The following PTPRN2 variants were observed in gnomAD, a reference collection of about 807,000 sequenced individuals.
PTPRN2 encodes the protein receptor-type tyrosine-protein phosphatase N2.
PTPRN2 carries 74 observed loss-of-function variants against 118.8 expected under a neutral mutation model. The ratio of observed to expected loss-of-function variants is 0.62; its 90% CI spans 0.52 to 0.76. The LOEUF is 0.76. Among genes scored for constraint, PTPRN2 ranks in the 30% least tolerant of loss-of-function variants. The pLI, the probability that PTPRN2 is intolerant of heterozygous loss-of-function variation, is 0.00. For missense variants in PTPRN2, 1,481 were observed against 1,394.4 expected (o/e 1.06, Z -0.99); for synonymous variants, 641 against 608.0 (o/e 1.05, Z -0.80).
intron 14 of PTPRN2, among the ~76,000 whole-genome samples, chr7:157,646,635 C>T (rs1399758100): frequency 6.6e-6 from 1 of 152,170 alleles, no homozygotes; most frequent in South Asian, 2.1e-4. Context: ...ACAGGGGAGG[C>T]TGGGTCCCAC....
In PTPRN2 at chr7:157,643,675, T is replaced by C. The variant is rs573695201; in HGVS notation, c.2196+12682A>G. On this transcript the variant is annotated intron_variant, in intron 14 of 22. Coordinates refer to ENST00000389418, the MANE Select transcript of PTPRN2 (RefSeq NM_002847.5). ...CAGCCGCTGCTGCCTCCAGCCTCTG[T>C]CTGCGCCCTTCCCAAGGACCCCCTG... Among the ~76,000 whole-genome samples, 7 of 152,332 alleles carry C rather than the reference T, an allele frequency of 4.6e-5. No homozygotes were observed. The South Asian group carries it at 1.5e-3, about 32-fold the overall frequency.
chr7:158,532,851 C>G (rs769625770), intron 1 of PTPRN2: 3 of 530,612 alleles, frequency 5.7e-6, no homozygotes, highest in Non-Finnish European at 1.2e-5. Context: ...GAATGTGGCC[C>G]GTGCTGCACT....
intron 11 of PTPRN2, among the ~76,000 whole-genome samples, chr7:158,074,804 G>A (rs1812219606): frequency 6.6e-6 from 1 of 152,204 alleles, no homozygotes; most frequent in Admixed American, 6.5e-5. Flanking sequence ...TCTGCCAGCA[G>A]GATCAGCATT....
At chr7:158,161,723 T>C (rs1822374547) in intron 6 of PTPRN2, among the ~76,000 whole-genome samples, 1 of 152,092 alleles carries the variant, frequency 6.6e-6, no homozygotes, top group African/African-American at 2.4e-5. Flanking sequence ...AATAAAATAA[T>C]TGGTAAGCTG....
At chr7:158,412,182 G>A (rs1340024883) in intron 2 of PTPRN2, among the ~76,000 whole-genome samples, 1 of 125,806 alleles carries the variant, frequency 7.9e-6, no homozygotes, top group Non-Finnish European at 1.7e-5. Flanking sequence ...CAACACCAGG[G>A]CCCATCTCAG....
At chr7:157,692,040 G>T (rs1457681378) in intron 12 of PTPRN2, among the ~76,000 whole-genome samples, 1 of 152,226 alleles carries the variant, frequency 6.6e-6, no homozygotes, top group African/African-American at 2.4e-5. Context: ...GGAACAAGGA[G>T]AAGAAAGGAA....
At chr7:158,558,174 C>T (rs984351276) in intron 1 of PTPRN2, among the ~76,000 whole-genome samples, 20 of 152,054 alleles carry the variant, frequency 1.3e-4, no homozygotes, top group African/African-American at 3.6e-4. Flanking sequence ...TCTGGAGAGA[C>T]GGGGTCTTGC....
chr7:158,394,586 A>G (rs899519066), intron 2 of PTPRN2, among the ~76,000 whole-genome samples: 1 of 152,180 alleles, frequency 6.6e-6, no homozygotes, highest in African/African-American at 2.4e-5. Flanking sequence ...GTCTCTAAGT[A>G]CTGGCTGCTC....
intron 12 of PTPRN2, among the ~76,000 whole-genome samples, chr7:157,800,544 G>A (rs559709207): frequency 6.6e-6 from 1 of 152,300 alleles, no homozygotes; most frequent in South Asian, 2.1e-4. Context: ...ACCCTCGTAC[G>A]GACGTTCTGT....
intron 3 of PTPRN2, among the ~76,000 whole-genome samples, chr7:158,225,743 G>C (rs1395349156): frequency 1.3e-5 from 2 of 152,194 alleles, no homozygotes; most frequent in Non-Finnish European, 2.9e-5. Context: ...AGTGGTATTT[G>C]AACTAAGACT....
chr7:158,514,545 C>T (rs1002467224), intron 1 of PTPRN2, among the ~76,000 whole-genome samples: 3 of 152,140 alleles, frequency 2.0e-5, no homozygotes, highest in African/African-American at 7.2e-5. Flanking sequence ...CATCCCTGCA[C>T]CCCAGGTGAT....
At chr7:158,058,254 CACATCACT>C (rs1809970533) in intron 11 of PTPRN2, among the ~76,000 whole-genome samples, 5 of 116,524 alleles carry the variant, frequency 4.3e-5, no homozygotes, top group Admixed American at 9.3e-5. Context: ...CCCACGGTGA[CACATCACT>C]GCAGCCACGC....
intron 3 of PTPRN2, among the ~76,000 whole-genome samples, chr7:158,265,429 T>G (rs1444976750): frequency 6.6e-6 from 1 of 150,492 alleles, no homozygotes; most frequent in Non-Finnish European, 1.5e-5. Flanking sequence ...CACACACCTG[T>G]GGGCACACCT....
intron 12 of PTPRN2, among the ~76,000 whole-genome samples, chr7:157,702,921 T>C (rs1798150963): frequency 6.6e-6 from 1 of 152,096 alleles, no homozygotes; most frequent in Non-Finnish European, 1.5e-5. Context: ...GGGGCCAAAA[T>C]AGCTGTTTTC....
intron 2 of PTPRN2, among the ~76,000 whole-genome samples, chr7:158,400,881 C>T (rs1015100337): frequency 6.6e-6 from 1 of 152,148 alleles, no homozygotes; most frequent in Non-Finnish European, 1.5e-5. Context: ...CACCAACCAG[C>T]AGCCCCCGTC....
At chr7:158,206,959 TC>T (rs1250876296) in intron 3 of PTPRN2, among the ~76,000 whole-genome samples, 26 of 72,772 alleles carry the variant, frequency 3.6e-4, no homozygotes, top group African/African-American at 4.3e-4. Context: ...CCCTCCCCCC[TC>T]CCCCCACCCC....
Position 158,093,630 on chromosome 7 carries a change from T to A in PTPRN2, c.1644-12253A>T, listed in dbSNP as rs187697974. Among the ~76,000 whole-genome samples the A allele has an allele frequency of 6.6e-6, 1 of 152,252 alleles. No individual in the cohort carries two copies. The highest frequency in any genetic ancestry group is 2.4e-5 in the African/African-American group (1 of 41,462). ...CTCTTTGCATGCCTCATTCCAGCTA[T>A]GTCTTCTTACAGAGGAGACATCGGG... On this transcript the variant is annotated intron_variant, in intron 10 of 22. Transcript: ENST00000389418. This position sits in a 1 kb window ranked among gnomAD's most constrained non-coding sequence, Gnocchi z 4.4.
At chr7:158,380,342 T>C (rs1258429408) in intron 2 of PTPRN2, among the ~76,000 whole-genome samples, 1 of 152,220 alleles carries the variant, frequency 6.6e-6, no homozygotes, top group Non-Finnish European at 1.5e-5. Flanking sequence ...GAGGCATAGG[T>C]ATTTGTTAAA....
intron 12 of PTPRN2, among the ~76,000 whole-genome samples, chr7:157,772,292 C>CACACATACATACACACAAAGACAT (rs1563092036): frequency 6.6e-6 from 1 of 151,056 alleles, no homozygotes; most frequent in African/African-American, 2.5e-5. Flanking sequence ...GACACACAAA[C>CACACATACATACACACAAAGACAT]ACACAGACAT....
Sources: gnomAD v4.1 joint callset for allele counts (sites outside exome capture counted in the v4.1 genomes callset) on GRCh38, gnomAD v4.1.1 for gene constraint, Gnocchi (gnomAD v3.1) non-coding constraint, MANE v1.5 for transcripts, NCBI Gene and HGNC (gene_info 2026-07-23, HGNC 2026-07-21) for gene names.